Variants in NUGGC observed in about 807,000 individuals in gnomAD.
NUGGC encodes the protein nuclear GTPase SLIP-GC.
Under a neutral mutation model 92.6 loss-of-function variants are expected in NUGGC, and 58 were observed. That is an observed-to-expected ratio of 0.63 (90% CI 0.51 to 0.78). The LOEUF (loss-of-function observed/expected upper bound fraction) is 0.78, where lower values mean the gene tolerates loss of function less well. Among genes scored for constraint, NUGGC ranks in the 30% least tolerant of loss-of-function variants. The pLI, the probability that NUGGC is intolerant of heterozygous loss-of-function variation, is 0.00. For synonymous variants in NUGGC, 376 were observed against 366.4 expected (o/e 1.03, Z -0.30); for missense variants, 925 against 964.6 (o/e 0.96, Z 0.54).
Position 28,031,531 on chromosome 8 carries a change from G to C in NUGGC, c.1770-150C>G, listed in dbSNP as rs532667485. Reference sequence around the variant, plus strand: ...AAATCCCTATAATGTGCCAGGCACTGTGCTGTGCCAGACCTTTGACATAAA... The same window carrying C: ...AAATCCCTATAATGTGCCAGGCACTCTGCTGTGCCAGACCTTTGACATAAA... On this transcript the variant is annotated intron_variant, in intron 14 of 18. Transcript: ENST00000413272. 8 of 749,848 alleles carry C rather than the reference G, an allele frequency of 1.1e-5. No homozygotes were observed. In the South Asian group the frequency reaches 1.1e-4, roughly 11 times the overall value. The allele number at this position is 749,848 out of a possible 1,614,324, so 46.4% of individuals were successfully genotyped here.
At chr8:28,079,767 G>T (rs541813291) in intron 1 of NUGGC, among the ~76,000 whole-genome samples, 1 of 152,190 alleles carries the variant, frequency 6.6e-6, no homozygotes, top group Admixed American at 6.5e-5. Flanking sequence ...AGTAGTGCCC[G>T]CAAAGGAGGG....
At chr8:28,073,462 C>T (rs1810640550) in intron 2 of NUGGC, among the ~76,000 whole-genome samples, 1 of 152,198 alleles carries the variant, frequency 6.6e-6, no homozygotes, top group African/African-American at 2.4e-5. Flanking sequence ...AACACTGCTG[C>T]ACTTTGCCCC....
chr8:28,076,057 C>T lies in NUGGC; in HGVS notation c.-46-1601G>A, dbSNP rs76365490. On this transcript the variant is annotated intron_variant, in intron 1 of 18. Transcript: ENST00000413272. ...GTGTCTGATTCCCACTCATTCCCCC[C>T]GTGTGTCCCCGGCTCCATACACACC... Among the ~76,000 whole-genome samples the T allele has an allele frequency of 6.7e-4, 102 of 152,290 alleles. 2 individuals are homozygous for T. In the East Asian group the frequency reaches 0.013, roughly 20 times the overall value.
chr8:28,026,563 G>T (rs1213682531), intron 18 of NUGGC, among the ~76,000 whole-genome samples: 1 of 152,188 alleles, frequency 6.6e-6, no homozygotes, highest in African/African-American at 2.4e-5. Context: ...GCAGAGCTGT[G>T]GATTTAAATT....
chr8:28,072,433 C>T (rs917818025), intron 2 of NUGGC, among the ~76,000 whole-genome samples: 3 of 152,178 alleles, frequency 2.0e-5, no homozygotes, highest in East Asian at 3.8e-4. Flanking sequence ...GTGTCCACAA[C>T]CTGTCTGTGG....
At chr8:28,055,856 T>C (rs541392849) in intron 10 of NUGGC, 109 bp downstream of exon 10, 3 of 612,062 alleles carry the variant, frequency 4.9e-6, no homozygotes, top group Non-Finnish European at 8.7e-6. Flanking sequence ...ACTAACTGTC[T>C]ATTCCAAAAC....
At chr8:28,068,523 T>G in intron 4 of NUGGC, 85 bp from the exon 5 acceptor site, 1 of 938,176 alleles carries the variant, frequency 1.1e-6, no homozygotes, top group Non-Finnish European at 1.6e-6. Flanking sequence ...GGAACTGAAT[T>G]CTAATCCCGG....
intron 7 of NUGGC, among the ~76,000 whole-genome samples, chr8:28,062,291 T>C (rs527262705): frequency 1.1e-3 from 173 of 152,316 alleles, no homozygotes; most frequent in African/African-American, 4.0e-3. Flanking sequence ...ATTACAGCCC[T>C]TCTGCTGCCC....
rs115814027 is a variant in NUGGC at position 28,027,725 on chromosome 8, T to C, written c.2155-673A>G. Among the ~76,000 whole-genome samples the C allele has an allele frequency of 4.4e-3, 668 of 152,238 alleles. 2 individuals are homozygous for C. The highest frequency in any genetic ancestry group is 0.015 in the African/African-American group (637 of 41,550). ...AAGAGCCCTAAGCATACATCTCAGC[T>C]CTAGCCATGGACCTGGAACCTGTAA... On this transcript the variant is annotated intron_variant, in intron 17 of 18. Coordinates refer to ENST00000413272, the MANE Select transcript of NUGGC (RefSeq NM_001010906.2).
In NUGGC at chr8:28,041,589, G is replaced by A. The variant is rs114290972; in HGVS notation, c.1447-374C>T. On this transcript the variant is annotated intron_variant, in intron 12 of 18. Transcript: ENST00000413272. ...ACATCTGATTCAACAAACATTTCAC[G>A]GGCTTGGACTCTGCACGAAGGAGTT... Among the ~76,000 whole-genome samples, 785 of 152,240 alleles carry A rather than the reference G, an allele frequency of 5.2e-3. 5 individuals are homozygous for A. Among genetic ancestry groups the A allele is most frequent in the African/African-American group, 0.017 (715 of 41,522 alleles).
At position 28,067,499 on chromosome 8, in the gene NUGGC, C is replaced by T. The variant is rs770724610; in HGVS notation, c.711+15G>A. 1.3e-5 allele frequency: 20 copies of T among 1,563,042 alleles called. No individual in the cohort carries two copies. Among genetic ancestry groups the T allele is most frequent in the South Asian group, 5.8e-5 (5 of 86,140 alleles). On this transcript the variant is annotated intron_variant, in intron 6 of 18. Transcript: ENST00000413272. ...ACCCAGGATGAAATCAAGGAAAAAA[C>T]GAACTTGACGCTACCTCTTCCGCCT... is the stretch of plus-strand genomic sequence containing the variant.
chr8:28,043,013 C>T (rs78943720), intron 12 of NUGGC, among the ~76,000 whole-genome samples: 4 of 152,144 alleles, frequency 2.6e-5, no homozygotes, highest in African/African-American at 4.8e-5. Context: ...CGGTGCACCC[C>T]GGGAATTTCC....
Position 28,023,392 on chromosome 8 carries a change from C to T in NUGGC, c.2316G>A (p.Arg772=). The change falls in exon 19 of 19, where the codon CGG becomes CGA. Residue 772 remains arginine (R), a synonymous_variant. Transcript: ENST00000413272. ...GGAATTCTTGCATGCCCTTCCTCAG[C>T]CGTGCATTCTCCGCGACCTCCCTCA... The part of the protein sequence containing the change: ...RSLREVAENA[R]LRKGMQEFLL... 6.2e-7 allele frequency: 1 copy of T among 1,614,008 alleles called. No homozygotes were observed. Among genetic ancestry groups the T allele is most frequent in the Non-Finnish European group, 8.5e-7 (1 of 1,179,882 alleles).
At chr8:28,072,368 C>T (rs1038108996) in intron 2 of NUGGC, among the ~76,000 whole-genome samples, 1 of 152,182 alleles carries the variant, frequency 6.6e-6, no homozygotes, top group Non-Finnish European at 1.5e-5. Flanking sequence ...AGGCCAGCTA[C>T]CGGCTGAAGA....
chr8:28,076,030 C>T (rs1309979455), intron 1 of NUGGC, among the ~76,000 whole-genome samples: 2 of 152,164 alleles, frequency 1.3e-5, no homozygotes, highest in Non-Finnish European at 1.5e-5. Flanking sequence ...CTCTGTGAAA[C>T]GGTGTCTGAT....
chr8:28,068,935 T>G (rs1176072438), intron 4 of NUGGC, among the ~76,000 whole-genome samples: 1 of 152,134 alleles, frequency 6.6e-6, no homozygotes, highest in Non-Finnish European at 1.5e-5. Context: ...GACAGAGTTT[T>G]GCCATATTGC....
At chr8:28,037,697 A>G (rs751130333) in intron 13 of NUGGC, among the ~76,000 whole-genome samples, 37 of 152,204 alleles carry the variant, frequency 2.4e-4, no homozygotes, top group Non-Finnish European at 2.2e-4. Flanking sequence ...TGACCCACTT[A>G]GAGCCAAAGA....
chr8:28,043,871 A>G (rs941180098), intron 12 of NUGGC, among the ~76,000 whole-genome samples: 1 of 152,216 alleles, frequency 6.6e-6, no homozygotes. Flanking sequence ...CCCTTCCCCA[A>G]CGATTTCAGC....
chr8:28,040,065 C>T (rs2130117339), intron 13 of NUGGC, among the ~76,000 whole-genome samples: 1 of 152,194 alleles, frequency 6.6e-6, no homozygotes, highest in South Asian at 2.1e-4. Context: ...AGGAGAGAGG[C>T]CTCAGAACTC....
Sources: gnomAD v4.1 joint callset for allele counts (sites outside exome capture counted in the v4.1 genomes callset) on GRCh38, gnomAD v4.1.1 for gene constraint, MANE v1.5 for transcripts, NCBI Gene and HGNC (gene_info 2026-07-23, HGNC 2026-07-21) for gene names.